Variants in CPLANE1 observed in about 807,000 individuals in gnomAD.
CPLANE1 encodes the protein ciliogenesis and planar polarity effector complex subunit 1.
A neutral mutation model predicts 362.5 loss-of-function variants in CPLANE1; 263 were observed. The ratio of observed to expected loss-of-function variants is 0.73; its 90% CI spans 0.66 to 0.80. CPLANE1 has a LOEUF of 0.80. Ranked by LOEUF, CPLANE1 falls within the 30% of genes least tolerant of loss-of-function variation. The pLI, the probability that CPLANE1 is intolerant of heterozygous loss-of-function variation, is 0.00. For synonymous variants in CPLANE1, 1,212 were observed against 1,302.6 expected, an observed-to-expected ratio of 0.93 and a Z score of 1.50; for missense variants, 3,461 against 3,793.4, an observed-to-expected ratio of 0.91 and a Z score of 2.30.
chr5:37,212,886 C>T (rs1459610843), intron 16 of CPLANE1, among the ~76,000 whole-genome samples: 2 of 152,202 alleles, frequency 1.3e-5, no homozygotes, highest in Admixed American at 1.3e-4. Context: ...GCTGGGCACA[C>T]CTATAGTCCC....
chr5:37,121,164 C>T (rs1762503693), intron 49 of CPLANE1, among the ~76,000 whole-genome samples: 1 of 152,092 alleles, frequency 6.6e-6, no homozygotes, highest in African/African-American at 2.4e-5. Flanking sequence ...AAGTAAAATA[C>T]ATAATAGTAG....
At chr5:37,119,541 A>T (rs570225861) in intron 50 of CPLANE1, among the ~76,000 whole-genome samples, 55 of 152,278 alleles carry the variant, frequency 3.6e-4, no homozygotes, top group African/African-American at 1.3e-3. Flanking sequence ...ATGGTGATGC[A>T]TACCTATAAT....
At chr5:37,169,669 A>G (rs1779208150) in intron 33 of CPLANE1, 108 bp from the exon 34 acceptor site, 2 of 823,750 alleles carry the variant, frequency 2.4e-6, no homozygotes, top group South Asian at 4.0e-5. Context: ...GTAACTGCTA[A>G]AAAAAAAAAT....
At chr5:37,098,830 A>C in the CPLANE1 span, among the ~76,000 whole-genome samples, 1 of 151,876 alleles carries the variant, frequency 6.6e-6, no homozygotes, top group Non-Finnish European at 1.5e-5. Context: ...AATTTATTGC[A>C]ACACACAGAA....
downstream of CPLANE1, among the ~76,000 whole-genome samples, chr5:37,105,335 A>G (rs1355120663): frequency 1.4e-5 from 2 of 140,494 alleles, no homozygotes; most frequent in African/African-American, 4.9e-5. Context: ...AAACAAAACA[A>G]AAAACAAAAC....
At chr5:37,097,109 G>A in the CPLANE1 span, among the ~76,000 whole-genome samples, 1 of 152,174 alleles carries the variant, frequency 6.6e-6, no homozygotes, top group Non-Finnish European at 1.5e-5. Flanking sequence ...AGCACTTTAA[G>A]AGGCAGAGAT....
At chr5:37,144,264 C>T (rs1369754025) in intron 43 of CPLANE1, among the ~76,000 whole-genome samples, 1 of 151,494 alleles carries the variant, frequency 6.6e-6, no homozygotes, top group African/African-American at 2.4e-5. Flanking sequence ...AAAAAATTAG[C>T]CCAGCATGGT....
chr5:37,138,773 G>A lies in CPLANE1; in HGVS notation c.8739C>T (p.Asp2913=), dbSNP rs376535591. The A allele has an allele frequency of 4.9e-5, 79 of 1,612,934 alleles. No homozygotes were observed. The East Asian group carries it at 6.0e-4, about 12-fold the overall frequency. Residue 2913 remains aspartate, a synonymous_variant, in exon 46 of 53, where the codon GAC becomes GAT. Coordinates refer to ENST00000651892, the MANE Select transcript of CPLANE1 (RefSeq NM_001384732.1). ...ADIIDDLIIK[D]GVSSEELGLT... ...AGCCAAGTTCTTCACTGGAAACTCCGTCTTTAATTATAAGGTCATCAATAA... is the reference window on the plus strand; with the variant it reads ...AGCCAAGTTCTTCACTGGAAACTCCATCTTTAATTATAAGGTCATCAATAA...
chr5:37,230,242 T>C (rs1243606614), intron 9 of CPLANE1, among the ~76,000 whole-genome samples: 2 of 147,986 alleles, frequency 1.4e-5, no homozygotes, highest in Non-Finnish European at 3.0e-5. Flanking sequence ...AAAGAATAAC[T>C]AACCCAAAGT....
Position 37,120,266 on chromosome 5 carries a change from A to C in CPLANE1, c.9260T>G (p.Ile3087Ser). 2 of 1,602,714 alleles carry C rather than the reference A, an allele frequency of 1.2e-6. No homozygotes were observed. The highest frequency in any genetic ancestry group is 1.7e-6 in the Non-Finnish European group (2 of 1,176,520). ...TTGCCCAAAAGACTTCCTCTTATGGATATAACTCGGTTTGGACATATATTT... is the reference window on the plus strand; with the variant it reads ...TTGCCCAAAAGACTTCCTCTTATGGCTATAACTCGGTTTGGACATATATTT... ...KVKYMSKPSY[I>S]HKRKSFGQPQ... Residue 3087 changes from isoleucine to serine, a missense_variant, in exon 50 of 53, where the codon ATC becomes AGC. Transcript: ENST00000651892.
downstream of CPLANE1, among the ~76,000 whole-genome samples, chr5:37,105,580 A>C (rs1024746037): frequency 6.6e-6 from 1 of 152,246 alleles, no homozygotes; most frequent in African/African-American, 2.4e-5. Flanking sequence ...ACATTTGGGA[A>C]ACATTTCAGG....
chr5:37,136,613 G>T (rs1407900708), intron 46 of CPLANE1, among the ~76,000 whole-genome samples: 7 of 152,198 alleles, frequency 4.6e-5, no homozygotes, highest in African/African-American at 1.7e-4. Flanking sequence ...CTCCCACACT[G>T]CCCTAGCAGA....
At chr5:37,203,604 C>T (rs1490478187) in intron 18 of CPLANE1, among the ~76,000 whole-genome samples, 1 of 152,150 alleles carries the variant, frequency 6.6e-6, no homozygotes, top group Non-Finnish European at 1.5e-5. Flanking sequence ...GACTTGACCT[C>T]CTAGGCTCAA....
At chr5:37,223,742 T>A (rs1355514124) in intron 14 of CPLANE1, among the ~76,000 whole-genome samples, 3 of 152,198 alleles carry the variant, frequency 2.0e-5, no homozygotes, top group Non-Finnish European at 4.4e-5. Flanking sequence ...TTCTTAAAGT[T>A]AAATTACTTA....
chr5:37,205,212 T>C, intron 18 of CPLANE1, 103 bp downstream of exon 18: 1 of 706,614 alleles, frequency 1.4e-6, no homozygotes, highest in Non-Finnish European at 2.0e-6. Context: ...TTGATAAGTT[T>C]ATTTCAAAGT....
chr5:37,117,043 G>A (rs1761219135), intron 50 of CPLANE1, among the ~76,000 whole-genome samples: 2 of 152,136 alleles, frequency 1.3e-5, no homozygotes, highest in African/African-American at 4.8e-5. Context: ...AAGCACTCAA[G>A]CTGCCTCTTT....
intron 51 of CPLANE1, among the ~76,000 whole-genome samples, chr5:37,112,748 T>C (rs1264618241): frequency 6.6e-6 from 1 of 152,218 alleles, no homozygotes; most frequent in Non-Finnish European, 1.5e-5. Context: ...TGTCAATTTG[T>C]GAGTCACAGT....
rs1796755202 is a variant in CPLANE1, at chr5:37,227,708, AG to A, written c.1230del (p.Tyr411ThrfsTer25). ...ATATATCCATCAGATATAACGAGGT[AG>A]GGTAACCGTGAGTGTGCTTTTATAG... is the stretch of plus-strand genomic sequence containing the variant. ...RFSIKAHSRLPYLVISDGYMV... is the reference protein window; with the variant it reads ...RFSIKAHSRLXYLVISDGYMV... On this transcript the variant is annotated frameshift_variant, in exon 10 of 53. Coordinates refer to ENST00000651892, the MANE Select transcript of CPLANE1 (RefSeq NM_001384732.1). LOFTEE classifies it high-confidence loss of function. The A allele has an allele frequency of 6.4e-7, 1 of 1,551,424 alleles. No individual in the cohort carries two copies. Among genetic ancestry groups the A allele is most frequent in the African/African-American group, 1.4e-5 (1 of 73,046 alleles).
At chr5:37,219,751 G>T (rs1794948717) in intron 15 of CPLANE1, among the ~76,000 whole-genome samples, 1 of 151,712 alleles carries the variant, frequency 6.6e-6, no homozygotes. Context: ...AAGTTTATTG[G>T]CACTGGAAAA....
Sources: allele counts gnomAD v4.1 joint callset (sites outside exome capture counted in the v4.1 genomes callset), GRCh38; gene constraint gnomAD v4.1.1; transcripts MANE v1.5; gene names NCBI Gene and HGNC (gene_info 2026-07-23, HGNC 2026-07-21).